Variants in CUEDC1 observed in about 807,000 individuals in gnomAD.
CUEDC1 encodes the protein CUE domain containing 1.
Under a neutral mutation model 43.7 loss-of-function variants are expected in CUEDC1, and 30 were observed. The ratio of observed to expected loss-of-function variants is 0.69; its 90% CI spans 0.51 to 0.93. The LOEUF is 0.93. Among genes scored for constraint, CUEDC1 ranks in the 40% least tolerant of loss-of-function variants. The pLI is 0.00. For synonymous variants in CUEDC1, 223 were observed against 223.6 expected (o/e 1.00, Z 0.02); for missense variants, 486 against 549.0 (o/e 0.89, Z 1.15).
intron 1 of CUEDC1, among the ~76,000 whole-genome samples, chr17:57,936,169 CA>C (rs948891319): frequency 3.3e-5 from 5 of 152,322 alleles, no homozygotes; most frequent in African/African-American, 1.2e-4. Context: ...TGCGGGAAAC[CA>C]CAGAGGCCTT....
chr17:57,872,881 AT>A (rs1469037237), intron 4 of CUEDC1, 26 bp from the exon 5 acceptor site: 3 of 1,601,370 alleles, frequency 1.9e-6, no homozygotes, highest in Admixed American at 3.5e-5. Context: ...AGCATGTTGA[AT>A]GTGTACACAC....
chr17:57,928,428 A>G (rs1012816325), intron 1 of CUEDC1, among the ~76,000 whole-genome samples: 10 of 151,682 alleles, frequency 6.6e-5, no homozygotes, highest in Non-Finnish European at 1.0e-4. Flanking sequence ...GGGTGCCTGT[A>G]GTCCCAGCTA....
chr17:57,876,069 G>A (rs1477847624), intron 3 of CUEDC1, among the ~76,000 whole-genome samples: 2 of 152,190 alleles, frequency 1.3e-5, no homozygotes, highest in African/African-American at 4.8e-5. Flanking sequence ...AGTGACTGGA[G>A]GTAGCAGATG....
chr17:57,896,679 A>C (rs2074413931), intron 1 of CUEDC1, among the ~76,000 whole-genome samples: 1 of 152,140 alleles, frequency 6.6e-6, no homozygotes, highest in Non-Finnish European at 1.5e-5. Flanking sequence ...ATTTAAAAAT[A>C]AAATATGCAA....
chr17:57,876,906 A>G (rs537061619), intron 3 of CUEDC1, among the ~76,000 whole-genome samples: 1 of 152,356 alleles, frequency 6.6e-6, no homozygotes, highest in Admixed American at 6.5e-5. Flanking sequence ...CATCTCATTC[A>G]ATCCTCCTAA....
At position 57,879,697 on chromosome 17, in the gene CUEDC1, C is replaced by G. The variant is rs149845264; in HGVS notation, c.378G>C (p.Glu126Asp). Residue 126 changes from glutamate (E) to aspartate (D), a missense_variant, in exon 3 of 11, where the codon GAG (glutamate) becomes GAC (aspartate). Physicochemically the swap from Glu to Asp is conservative, Grantham distance 45. Coordinates refer to ENST00000577830, the MANE Select transcript of CUEDC1 (RefSeq NM_001271875.2). ...RTLEPDSSDE[E>D]PPPVYSPPAY... Reference sequence around the variant, plus strand: ...CTGGCGGGGAGTACACAGGTGGGGGCTCTTCATCCGAGCTATCAGGTTCCA... The same window carrying G: ...CTGGCGGGGAGTACACAGGTGGGGGGTCTTCATCCGAGCTATCAGGTTCCA... 5.4e-4 allele frequency: 859 copies of G among 1,601,674 alleles called. 3 individuals are homozygous for G. In the African/African-American group the frequency reaches 0.01, roughly 19 times the overall value.
rs199557773 is a variant in CUEDC1, at chr17:57,883,071, CCTT to C, written c.336+2155_336+2157del. 3.9e-5 allele frequency among the ~76,000 whole-genome samples: 6 copies of C among 152,276 alleles called. No homozygotes were observed. The East Asian group carries it at 1.2e-3, about 29-fold the overall frequency. On this transcript the variant is annotated intron_variant, in intron 2 of 10. Transcript: ENST00000577830. ...ACGCATACTCTCACTCTCTCTCTCT[CCTT>C]CTTTCTACAAAGAGGATCCATATTT...
chr17:57,939,371 C>T (rs978788577), intron 1 of CUEDC1, among the ~76,000 whole-genome samples: 8 of 151,396 alleles, frequency 5.3e-5, no homozygotes, highest in African/African-American at 1.7e-4. Context: ...CTCAGGTGAT[C>T]CTCCCACCTC....
chr17:57,925,903 T>A (rs1401986428), intron 1 of CUEDC1, among the ~76,000 whole-genome samples: 1 of 152,212 alleles, frequency 6.6e-6, no homozygotes, highest in Non-Finnish European at 1.5e-5. Context: ...TGACCGCCTG[T>A]CCTCTGCCAC....
At chr17:57,903,883 C>G (rs936898127) in intron 1 of CUEDC1, among the ~76,000 whole-genome samples, 1 of 151,084 alleles carries the variant, frequency 6.6e-6, no homozygotes, top group African/African-American at 2.4e-5. Context: ...CTGCAGTGAG[C>G]TATGATGGCT....
chr17:57,882,454 G>A (rs2074223022), intron 2 of CUEDC1, among the ~76,000 whole-genome samples: 1 of 152,112 alleles, frequency 6.6e-6, no homozygotes. Flanking sequence ...GACTGTGGGG[G>A]CCATGGACAA....
intron 1 of CUEDC1, among the ~76,000 whole-genome samples, chr17:57,937,788 C>G (rs1361505615): frequency 6.6e-6 from 1 of 151,770 alleles, no homozygotes; most frequent in African/African-American, 2.4e-5. Context: ...TGCCTGTAGT[C>G]CCAGCTACTC....
intron 2 of CUEDC1, among the ~76,000 whole-genome samples, chr17:57,884,192 C>CTTTTTTTTTTTTT (rs780667346): frequency 2.0e-4 from 16 of 81,340 alleles, no homozygotes; most frequent in African/African-American, 2.7e-4. Flanking sequence ...TTTTTCTTTT[C>CTTTTTTTTTTTTT]TTTTTTTTTT....
intron 1 of CUEDC1, among the ~76,000 whole-genome samples, chr17:57,951,013 A>C (rs2075001353): frequency 6.6e-6 from 1 of 151,788 alleles, no homozygotes; most frequent in African/African-American, 2.4e-5. Flanking sequence ...CTGCCCCCAA[A>C]TATGCTTAGC....
At chr17:57,953,879 C>T (rs1467834357) in intron 1 of CUEDC1, among the ~76,000 whole-genome samples, 5 of 152,188 alleles carry the variant, frequency 3.3e-5, no homozygotes, top group African/African-American at 7.2e-5. Flanking sequence ...CACACCCAGC[C>T]CTGCTGCACA....
At chr17:57,867,542 C>G in intron 8 of CUEDC1, 127 bp from the exon 9 acceptor site, 1 of 818,198 alleles carries the variant, frequency 1.2e-6, no homozygotes, top group Non-Finnish European at 2.0e-6. Context: ...CCTGACCCCC[C>G]ACACCCTTAG....
rs1260055670 is a variant in CUEDC1 at position 57,861,649 on chromosome 17, GAA to G, written c.*1638_*1639del. ...AGGAATTCCTATGAAACAGCTCCAAGAAAAAACCCACACATAGGAGGAAAAAA... is the reference window on the plus strand; with the variant it reads ...AGGAATTCCTATGAAACAGCTCCAAGAAAACCCACACATAGGAGGAAAAAA... On this transcript the variant is annotated 3_prime_UTR_variant, in exon 11 of 11. Transcript: ENST00000577830. 1.3e-5 allele frequency: 2 copies of G among 152,332 alleles called. No homozygotes were observed. Among genetic ancestry groups the G allele is most frequent in the Non-Finnish European group, 2.9e-5 (2 of 68,142 alleles). 9.4% of individuals were successfully genotyped at this position (152,332 alleles called of 1,614,324 possible).
chr17:57,866,918 G>A (rs944767858), intron 9 of CUEDC1: 5 of 342,458 alleles, frequency 1.5e-5, no homozygotes, highest in Middle Eastern at 9.0e-4. Flanking sequence ...GTTCAGCTGC[G>A]GGCCCAGGAG....
chr17:57,899,776 C>A (rs774809672), intron 1 of CUEDC1, among the ~76,000 whole-genome samples: 29 of 152,286 alleles, frequency 1.9e-4, no homozygotes, highest in Non-Finnish European at 3.7e-4. Flanking sequence ...ATGTACTACT[C>A]CCCTCTTCGC....
Sources: gnomAD v4.1 joint callset for allele counts (sites outside exome capture counted in the v4.1 genomes callset) on GRCh38, gnomAD v4.1.1 for gene constraint, MANE v1.5 for transcripts, NCBI Gene and HGNC (gene_info 2026-07-23, HGNC 2026-07-21) for gene names.